The following PODXL variants were observed in gnomAD, a reference collection of about 807,000 sequenced individuals.
PODXL encodes the protein podocalyxin.
In PODXL, 20 loss-of-function variants were observed where a neutral mutation model predicts 48.9. The observed-to-expected ratio is 0.41, with a 90% CI of 0.29 to 0.59. PODXL has a LOEUF of 0.59. Ranked by LOEUF, PODXL falls within the 20% of genes least tolerant of loss-of-function variation. The pLI, the probability that PODXL is intolerant of heterozygous loss-of-function variation, is 0.31. For missense variants in PODXL, 606 were observed against 675.1 expected (o/e 0.90, Z 1.13); for synonymous variants, 295 against 287.4 (o/e 1.03, Z -0.27).
At chr7:131,520,237 A>G in intron 1 of PODXL, 1 of 446,008 alleles carries the variant, frequency 2.2e-6, no homozygotes, top group Non-Finnish European at 4.4e-6. Context: ...AGCTTCCTGG[A>G]GTGGGCTTCA....
chr7:131,518,154 A>G (rs1798032204), intron 1 of PODXL, among the ~76,000 whole-genome samples: 1 of 152,164 alleles, frequency 6.6e-6, no homozygotes, highest in Non-Finnish European at 1.5e-5. Context: ...AAGTAGGGTC[A>G]CCTGCACAGG....
chr7:131,506,866 C>T lies in PODXL; in HGVS notation c.1102-140G>A. 3 of 817,468 alleles carry T rather than the reference C, an allele frequency of 3.7e-6. No individual in the cohort carries two copies. The East Asian group carries it at 7.5e-5, about 21-fold the overall frequency. The allele number at this position is 817,468 out of a possible 1,614,324, so 50.6% of individuals were successfully genotyped here. A position where few individuals can be genotyped will look rare whatever the true frequency, so the allele number is the denominator to read the frequency against. ...TCCCTCTCTAGCCCCAGCTGGTGCTCCACGCAGGCCTGCCAGGAATCAAGG... is the reference window on the plus strand; with the variant it reads ...TCCCTCTCTAGCCCCAGCTGGTGCTTCACGCAGGCCTGCCAGGAATCAAGG... On this transcript the variant is annotated intron_variant, in intron 5 of 8. Coordinates refer to ENST00000378555, the MANE Select transcript of PODXL (RefSeq NM_001018111.3).
chr7:131,509,742 C>A (rs1044613546), intron 3 of PODXL, among the ~76,000 whole-genome samples, 157 bp from the exon 4 acceptor site: 4 of 152,000 alleles, frequency 2.6e-5, no homozygotes, highest in Non-Finnish European at 5.9e-5. Context: ...GTGGAATAAC[C>A]CGGCAAAGTC....
At chr7:131,531,723 T>C (rs1298913742) in intron 1 of PODXL, among the ~76,000 whole-genome samples, 1 of 152,192 alleles carries the variant, frequency 6.6e-6, no homozygotes, top group Non-Finnish European at 1.5e-5. Flanking sequence ...ACACTTGTCA[T>C]TGGATTTAGG....
chr7:131,556,169 A>G (rs1392450216), intron 1 of PODXL, 91 bp downstream of exon 1: 1 of 1,343,240 alleles, frequency 7.4e-7, no homozygotes, highest in Non-Finnish European at 9.5e-7. Context: ...GGGTCGGACC[A>G]CGCGGCGCGC....
In PODXL at chr7:131,538,925, G is replaced by A. The variant is rs896281305; in HGVS notation, c.100+17335C>T. ...CCTTAAAACAATACCCTCCCCAGGG[G>A]CCTCCTAATCCCTTCCCCTGCAGCA... On this transcript the variant is annotated intron_variant, in intron 1 of 8. Transcript: ENST00000378555. Among the ~76,000 whole-genome samples the A allele has an allele frequency of 5.3e-5, 8 of 152,316 alleles. No individual in the cohort carries two copies. In the South Asian group the frequency reaches 1.7e-3, roughly 32 times the overall value.
intron 4 of PODXL, 97 bp downstream of exon 4, chr7:131,509,268 G>C (rs1391565175): frequency 2.0e-6 from 2 of 1,018,820 alleles, no homozygotes; most frequent in Non-Finnish European, 1.5e-6. Context: ...CCCCAGCCAG[G>C]GGCCCTGCGT....
rs1198603323 is a variant in PODXL at position 131,510,323 on chromosome 7, C to T, written c.715G>A (p.Val239Met). 4 of 192,216 alleles carry T rather than the reference C, an allele frequency of 2.1e-5. No individual in the cohort carries two copies. Among genetic ancestry groups the T allele is most frequent in the Middle Eastern group, 2.5e-3 (1 of 402 alleles). 11.9% of individuals were successfully genotyped at this position (192,216 alleles called of 1,614,324 possible). A position where few individuals can be genotyped will look rare whatever the true frequency, so the allele number is the denominator to read the frequency against. The change falls in exon 3 of 9, where the codon GTG (valine) becomes ATG (methionine). Residue 239 changes from valine (V) to methionine (M), a missense_variant. Coordinates refer to ENST00000378555, the MANE Select transcript of PODXL (RefSeq NM_001018111.3). The part of the protein sequence containing the change: ...PGMTTTLLET[V>M]FHHVSQAGLE... Reference sequence around the variant, plus strand: ...CCAGCCTGGCTGACATGGTGAAACACTGTCTCTACTTGAAAAAAAAAAAAA... The same window carrying T: ...CCAGCCTGGCTGACATGGTGAAACATTGTCTCTACTTGAAAAAAAAAAAAA...
chr7:131,526,739 CTTTTT>C (rs57935236), intron 1 of PODXL, among the ~76,000 whole-genome samples: 6 of 90,516 alleles, frequency 6.6e-5, no homozygotes, highest in South Asian at 4.4e-4. Flanking sequence ...CTTCCTTACT[CTTTTT>C]TTTTTTTTTT....
rs1797745744 is a variant in PODXL at position 131,503,459 on chromosome 7, A to AC, written c.*851dup. The AC allele has an allele frequency of 6.6e-6, 1 of 151,440 alleles. No individual in the cohort carries two copies. The highest frequency in any genetic ancestry group is 1.5e-5 in the Non-Finnish European group (1 of 68,016). The allele number at this position is 151,440 out of a possible 1,614,324, so 9.4% of individuals were successfully genotyped here. A position where few individuals can be genotyped will look rare whatever the true frequency, so the allele number is the denominator to read the frequency against. ...GGGCAATGGGCCAGTGTTCCTGCTG[A>AC]CCCCTCATCAGCTGCCCTGAGATAC... is the stretch of plus-strand genomic sequence containing the variant. On this transcript the variant is annotated 3_prime_UTR_variant, in exon 9 of 9. Coordinates refer to ENST00000378555, the MANE Select transcript of PODXL (RefSeq NM_001018111.3).
At chr7:131,555,493 G>A (rs1174454523) in intron 1 of PODXL, among the ~76,000 whole-genome samples, 1 of 152,198 alleles carries the variant, frequency 6.6e-6, no homozygotes, top group Non-Finnish European at 1.5e-5. Context: ...TCTAAGGTGT[G>A]TCTAAAATGC....
intron 1 of PODXL, among the ~76,000 whole-genome samples, chr7:131,552,266 G>C (rs917824037): frequency 6.6e-6 from 1 of 152,206 alleles, no homozygotes; most frequent in Non-Finnish European, 1.5e-5. Flanking sequence ...GGGCCTCACC[G>C]CATGGTGGAG....
intron 1 of PODXL, among the ~76,000 whole-genome samples, chr7:131,547,050 A>T (rs572185379): frequency 6.6e-6 from 1 of 152,184 alleles, no homozygotes; most frequent in Non-Finnish European, 1.5e-5. Flanking sequence ...GTTGACTCAC[A>T]CTGGGCTAGG....
At position 131,503,506 on chromosome 7, in the gene PODXL, C is replaced by T. The variant is rs1053156653; in HGVS notation, c.*805G>A. 6.6e-6 allele frequency: 1 copy of T among 152,344 alleles called. No individual in the cohort carries two copies. Among genetic ancestry groups the T allele is most frequent in the African/African-American group, 2.4e-5 (1 of 41,442 alleles). The allele number at this position is 152,344 out of a possible 1,614,324, so 9.4% of individuals were successfully genotyped here. The stretch of plus-strand genomic sequence containing the variant: ...ATACCAGCCTGGACTCGAGTGTCCC[C>T]TTCTCTCCTCACCTGCACGCAGGTC... On this transcript the variant is annotated 3_prime_UTR_variant, in exon 9 of 9. Coordinates refer to ENST00000378555, the MANE Select transcript of PODXL (RefSeq NM_001018111.3).
At chr7:131,535,109 A>G (rs998882734) in intron 1 of PODXL, among the ~76,000 whole-genome samples, 1 of 152,192 alleles carries the variant, frequency 6.6e-6, no homozygotes, top group Admixed American at 6.6e-5. Flanking sequence ...GGGCCAGGGT[A>G]TCTCCTTAAT....
intron 1 of PODXL, among the ~76,000 whole-genome samples, chr7:131,527,922 G>A (rs546536374): frequency 0.014 from 437 of 31,468 alleles, 1 homozygote; most frequent in Non-Finnish European, 0.014. Context: ...TTTTTTTTTT[G>A]AGAGGGAGTC....
At chr7:131,545,530 C>T (rs1224151436) in intron 1 of PODXL, among the ~76,000 whole-genome samples, 1 of 152,134 alleles carries the variant, frequency 6.6e-6, no homozygotes, top group Non-Finnish European at 1.5e-5. Context: ...CCCAAAATGT[C>T]CTGGGGAAAC....
At chr7:131,522,976 T>C (rs1488669087) in intron 1 of PODXL, among the ~76,000 whole-genome samples, 2 of 152,256 alleles carry the variant, frequency 1.3e-5, no homozygotes, top group Non-Finnish European at 2.9e-5. Context: ...TTATGCATAA[T>C]GCTGCTATGA....
chr7:131,521,207 C>T (rs1241834128), intron 1 of PODXL, among the ~76,000 whole-genome samples: 3 of 151,606 alleles, frequency 2.0e-5, no homozygotes, highest in African/African-American at 7.3e-5. Flanking sequence ...TTTTCTTGAG[C>T]CCTGAGGTCA....
Sources: gnomAD v4.1 joint callset for allele counts (sites outside exome capture counted in the v4.1 genomes callset) on GRCh38, gnomAD v4.1.1 for gene constraint, MANE v1.5 for transcripts, NCBI Gene and HGNC (gene_info 2026-07-23, HGNC 2026-07-21) for gene names.